Variants in B3GLCT observed in about 807,000 individuals in gnomAD.
B3GLCT encodes beta-1,3-glucosyltransferase.
A neutral mutation model predicts 63.4 loss-of-function variants in B3GLCT; 65 were observed. That is an observed-to-expected ratio of 1.03 (90% CI 0.84 to 1.26). B3GLCT has a LOEUF of 1.26. Among genes scored for constraint, B3GLCT ranks in the 50% most tolerant of loss-of-function variants. The probability of loss-of-function intolerance (pLI) is 0.00; values close to 1 mark genes in which losing one functional copy is unlikely to be tolerated. For synonymous variants in B3GLCT, 233 were observed against 219.2 expected (o/e 1.06, Z -0.55); for missense variants, 577 against 604.8 (o/e 0.95, Z 0.48).
chr13:31,247,384 C>T (rs1566060999), intron 5 of B3GLCT, among the ~76,000 whole-genome samples: 2 of 151,864 alleles, frequency 1.3e-5, no homozygotes. Flanking sequence ...TCAAGCAATT[C>T]CCTGCCTCAG....
chr13:31,229,526 C>A (rs1406566881), intron 4 of B3GLCT, among the ~76,000 whole-genome samples: 1 of 152,024 alleles, frequency 6.6e-6, no homozygotes, highest in Non-Finnish European at 1.5e-5. Flanking sequence ...TGGGCGGATC[C>A]CTTGACGTCA....
chr13:31,237,081 G>T (rs909043328), intron 4 of B3GLCT, among the ~76,000 whole-genome samples: 1 of 149,810 alleles, frequency 6.7e-6, no homozygotes, highest in South Asian at 2.1e-4. Flanking sequence ...ACCCGAGATC[G>T]CACCACTGCA....
chr13:31,287,310 G>A (rs553289714), intron 12 of B3GLCT, among the ~76,000 whole-genome samples: 2 of 152,264 alleles, frequency 1.3e-5, no homozygotes, highest in East Asian at 3.9e-4. Context: ...GAAACTACCC[G>A]ATGCTGGGGA....
chr13:31,294,386 A>C (rs1233817768), intron 12 of B3GLCT, among the ~76,000 whole-genome samples: 1 of 152,158 alleles, frequency 6.6e-6, no homozygotes, highest in Non-Finnish European at 1.5e-5. Flanking sequence ...GTTCTCTTGG[A>C]TAATATCCTG....
At chr13:31,251,765 G>A (rs1002866349) in intron 6 of B3GLCT, among the ~76,000 whole-genome samples, 3 of 152,192 alleles carry the variant, frequency 2.0e-5, no homozygotes, top group African/African-American at 7.2e-5. Context: ...AAGTGATGGC[G>A]AGAATGGAAC....
At chr13:31,221,080 G>A (rs1436748934) in intron 2 of B3GLCT, among the ~76,000 whole-genome samples, 2 of 152,236 alleles carry the variant, frequency 1.3e-5, no homozygotes, top group African/African-American at 2.4e-5. Context: ...GACCTGGTTT[G>A]TAATTCTGGT....
chr13:31,217,636 C>G (rs930320404), intron 2 of B3GLCT, among the ~76,000 whole-genome samples: 5 of 152,166 alleles, frequency 3.3e-5, no homozygotes, highest in Non-Finnish European at 7.3e-5. Context: ...AGGAAGGGGT[C>G]CAGTGTCAAT....
intron 8 of B3GLCT, among the ~76,000 whole-genome samples, chr13:31,271,212 C>G (rs1471260060): frequency 1.3e-5 from 2 of 152,246 alleles, no homozygotes; most frequent in African/African-American, 4.8e-5. Flanking sequence ...GGGCCCTTCC[C>G]TATCTGCCTA....
At chr13:31,218,325 G>A (rs1869657064) in intron 2 of B3GLCT, among the ~76,000 whole-genome samples, 1 of 151,854 alleles carries the variant, frequency 6.6e-6, no homozygotes, top group African/African-American at 2.4e-5. Context: ...GAGTAGCTGG[G>A]ATTATAGGCG....
chr13:31,284,009 C>G (rs2137876220), intron 10 of B3GLCT, among the ~76,000 whole-genome samples: 1 of 152,288 alleles, frequency 6.6e-6, no homozygotes, highest in South Asian at 2.1e-4. Context: ...GCAGACAGAG[C>G]TATCTTTGAG....
chr13:31,209,260 G>A (rs1246641926), intron 1 of B3GLCT, among the ~76,000 whole-genome samples: 1 of 152,120 alleles, frequency 6.6e-6, no homozygotes, highest in African/African-American at 2.4e-5. Flanking sequence ...TCTGTCGCTG[G>A]GCTGCAGGGG....
In B3GLCT at chr13:31,214,173, C is replaced by T. The variant is rs1408332128; in HGVS notation, c.71-878C>T. Among the ~76,000 whole-genome samples the T allele has an allele frequency of 2.6e-5, 4 of 152,300 alleles. No homozygotes were observed. The Middle Eastern group carries it at 0.01, about 389-fold the overall frequency. ...TGTTCCATGGTGTCACTTCTCCCACCCTTTTAGTACATCACTGCCCTATGT... is the reference window on the plus strand; with the variant it reads ...TGTTCCATGGTGTCACTTCTCCCACTCTTTTAGTACATCACTGCCCTATGT... On this transcript the variant is annotated intron_variant, in intron 1 of 14. Coordinates refer to ENST00000343307, the MANE Select transcript of B3GLCT (RefSeq NM_194318.4).
At chr13:31,219,461 C>T (rs1025746311) in intron 2 of B3GLCT, among the ~76,000 whole-genome samples, 2 of 152,190 alleles carry the variant, frequency 1.3e-5, no homozygotes, top group East Asian at 3.8e-4. Flanking sequence ...TCATTTGTGA[C>T]ACATTTAAAG....
chr13:31,212,573 G>A (rs996563394), intron 1 of B3GLCT, among the ~76,000 whole-genome samples: 15 of 152,094 alleles, frequency 9.9e-5, no homozygotes, highest in African/African-American at 3.6e-4. Flanking sequence ...GGGTCCGGCC[G>A]CATGTCTGGC....
At chr13:31,206,334 T>TGA (rs1868949894) in intron 1 of B3GLCT, among the ~76,000 whole-genome samples, 1 of 152,196 alleles carries the variant, frequency 6.6e-6, no homozygotes, top group Admixed American at 6.5e-5. Context: ...GAAATGAGAC[T>TGA]TCCAGGTAAG....
intron 10 of B3GLCT, among the ~76,000 whole-genome samples, 192 bp from the exon 11 acceptor site, chr13:31,284,456 A>C: frequency 6.6e-6 from 1 of 152,204 alleles, no homozygotes; most frequent in East Asian, 1.9e-4. Flanking sequence ...AGAATGTTGA[A>C]AATGCTTCAA....
At chr13:31,263,073 C>T (rs898324284) in intron 7 of B3GLCT, among the ~76,000 whole-genome samples, 3 of 152,160 alleles carry the variant, frequency 2.0e-5, no homozygotes, top group East Asian at 1.9e-4. Context: ...CCAGTGGGCC[C>T]AGGTAGAGCT....
chr13:31,310,063 A>G (rs868146442), intron 12 of B3GLCT, among the ~76,000 whole-genome samples: 2 of 152,146 alleles, frequency 1.3e-5, no homozygotes, highest in East Asian at 1.9e-4. Flanking sequence ...AAGCCAGGCT[A>G]TCAGCTCAGG....
intron 14 of B3GLCT, among the ~76,000 whole-genome samples, chr13:31,328,120 C>T (rs1485073406): frequency 6.6e-6 from 1 of 152,098 alleles, no homozygotes; most frequent in Non-Finnish European, 1.5e-5. Context: ...GTTTTCTCAG[C>T]GGTAAATTGG....
Sources: gnomAD v4.1 joint callset for allele counts (sites outside exome capture counted in the v4.1 genomes callset) on GRCh38, gnomAD v4.1.1 for gene constraint, MANE v1.5 for transcripts, NCBI Gene and HGNC (gene_info 2026-07-23, HGNC 2026-07-21) for gene names.